Variants in CPNE8 observed in about 807,000 individuals in gnomAD.
The protein encoded by CPNE8 is copine-8.
CPNE8 carries 45 observed loss-of-function variants against 81.5 expected under a neutral mutation model. The ratio of observed to expected loss-of-function variants is 0.55; its 90% confidence interval spans 0.44 to 0.71. The LOEUF is 0.71. Ranked by LOEUF, CPNE8 falls within the 30% of genes least tolerant of loss-of-function variation. The probability of loss-of-function intolerance (pLI) is 0.00; values close to 1 mark genes in which losing one functional copy is unlikely to be tolerated. For synonymous variants in CPNE8, 252 were observed against 226.3 expected (o/e 1.11, Z -1.02); for missense variants, 594 against 672.1 (o/e 0.88, Z 1.28).
chr12:38,798,870 G>C (rs986367686), intron 6 of CPNE8, among the ~76,000 whole-genome samples: 2 of 151,514 alleles, frequency 1.3e-5, no homozygotes, highest in African/African-American at 4.9e-5. Flanking sequence ...CAAGCAAATG[G>C]AAAACAAAAA....
intron 13 of CPNE8, among the ~76,000 whole-genome samples, chr12:38,707,658 T>G (rs1442508390): frequency 1.3e-5 from 2 of 152,192 alleles, no homozygotes; most frequent in African/African-American, 4.8e-5. Flanking sequence ...TGAAGCATAT[T>G]TGATGACTGA....
chr12:38,786,551 C>A (rs542876789), intron 6 of CPNE8, among the ~76,000 whole-genome samples: 4 of 152,112 alleles, frequency 2.6e-5, no homozygotes, highest in South Asian at 2.1e-4. Flanking sequence ...GATCCTCAGC[C>A]TGCAGATGGC....
intron 6 of CPNE8, among the ~76,000 whole-genome samples, chr12:38,807,597 T>C (rs1172229419): frequency 9.9e-4 from 150 of 150,970 alleles, no homozygotes; most frequent in Non-Finnish European, 1.8e-3. Flanking sequence ...ATACAAAAAT[T>C]AATTCAAGAT....
intron 19 of CPNE8, among the ~76,000 whole-genome samples, chr12:38,661,107 G>C (rs1938942158): frequency 1.3e-5 from 2 of 152,026 alleles, no homozygotes; most frequent in South Asian, 4.1e-4. Context: ...CCCATTACTG[G>C]GTATATACCC....
intron 3 of CPNE8, among the ~76,000 whole-genome samples, chr12:38,865,182 T>A (rs997238595): frequency 5.3e-5 from 8 of 152,180 alleles, no homozygotes; most frequent in African/African-American, 1.9e-4. Context: ...TTGGCAAAGA[T>A]GTATGGCAAT....
intron 1 of CPNE8, among the ~76,000 whole-genome samples, chr12:38,878,760 C>G (rs986602525): frequency 3.3e-5 from 5 of 152,198 alleles, no homozygotes; most frequent in Non-Finnish European, 7.3e-5. Flanking sequence ...TCTCTTTCAA[C>G]TTCAAAGCAA....
chr12:38,740,344 A>T (rs1353990713), intron 10 of CPNE8, among the ~76,000 whole-genome samples: 1 of 152,198 alleles, frequency 6.6e-6, no homozygotes, highest in Non-Finnish European at 1.5e-5. Context: ...TCATCTGCAA[A>T]CAGGGACATT....
intron 6 of CPNE8, among the ~76,000 whole-genome samples, chr12:38,797,216 G>A (rs1942507689): frequency 3.3e-5 from 5 of 152,278 alleles, no homozygotes; most frequent in Middle Eastern, 3.4e-3. Context: ...GCACTCAGCT[G>A]GAGATCTGAG....
At chr12:38,853,906 T>C (rs184580181) in intron 3 of CPNE8, among the ~76,000 whole-genome samples, 26 of 152,186 alleles carry the variant, frequency 1.7e-4, no homozygotes, top group African/African-American at 6.0e-4. Context: ...AGTTTTAATA[T>C]ATTATGAAGG....
intron 1 of CPNE8, among the ~76,000 whole-genome samples, chr12:38,892,061 A>C (rs1944321213): frequency 6.6e-6 from 1 of 152,238 alleles, no homozygotes; most frequent in South Asian, 2.1e-4. Context: ...AATCTAGTAA[A>C]ATATCACAAA....
At chr12:38,718,178 C>T (rs1044916161) in intron 13 of CPNE8, among the ~76,000 whole-genome samples, 5 of 152,050 alleles carry the variant, frequency 3.3e-5, no homozygotes, top group African/African-American at 1.2e-4. Context: ...GCAGTGTCAT[C>T]AGAGGGCATA....
chr12:38,776,212 T>C (rs768135906), intron 7 of CPNE8, 26 bp downstream of exon 7: 2 of 1,345,328 alleles, frequency 1.5e-6, no homozygotes, highest in South Asian at 2.8e-5. Flanking sequence ...GGAAGTATTT[T>C]CTAAACCAAA....
chr12:38,888,585 T>C lies in CPNE8; in HGVS notation c.99-14074A>G, dbSNP rs530008479. Reference sequence around the variant, plus strand: ...GGAATATGTAGGTCAGCATAAATGATCAGCTGAGATACAGGAGAATGAAAA... The same window carrying C: ...GGAATATGTAGGTCAGCATAAATGACCAGCTGAGATACAGGAGAATGAAAA... On this transcript the variant is annotated intron_variant, in intron 1 of 19. Transcript: ENST00000331366. Among the ~76,000 whole-genome samples, 10 of 152,282 alleles carry C rather than the reference T, an allele frequency of 6.6e-5. No individual in the cohort carries two copies. The South Asian group carries it at 2.1e-3, about 32-fold the overall frequency.
intron 19 of CPNE8, among the ~76,000 whole-genome samples, chr12:38,665,396 T>C (rs1041712078): frequency 2.6e-5 from 4 of 152,228 alleles, no homozygotes; most frequent in African/African-American, 9.6e-5. Context: ...TTTTATTCTA[T>C]AGGAAGTATG....
At chr12:38,723,747 G>A (rs762445993) in intron 13 of CPNE8, 25 bp downstream of exon 13, 26 of 1,478,534 alleles carry the variant, frequency 1.8e-5, no homozygotes, top group Non-Finnish European at 1.9e-5. Context: ...CCTAAGCAAC[G>A]AAACAATTTG....
intron 6 of CPNE8, 133 bp downstream of exon 6, chr12:38,829,246 T>G: frequency 1.6e-6 from 1 of 626,374 alleles, no homozygotes; most frequent in Non-Finnish European, 2.9e-6. Context: ...CAAAATTATT[T>G]GTTAAAAGAA....
chr12:38,675,746 A>G lies in CPNE8; in HGVS notation c.1403T>C (p.Ile468Thr). The G allele has an allele frequency of 6.2e-7, 1 of 1,605,422 alleles. No homozygotes were observed. The highest frequency in any genetic ancestry group is 8.5e-7 in the Non-Finnish European group (1 of 1,172,454). ...NASKLPMSIIIVGVGPAEFDA... is the reference protein window; with the variant it reads ...NASKLPMSIITVGVGPAEFDA... ...AAATTCTGCTGGTCCAACACCTACT[A>G]TAATTATTGACATTGGAAGTTTTGA... The change falls in exon 18 of 20, where the codon ATA becomes ACA. Residue 468 changes from isoleucine (I) to threonine (T), a missense_variant. Transcript: ENST00000331366.
At chr12:38,860,979 A>C (rs1434204616) in intron 3 of CPNE8, among the ~76,000 whole-genome samples, 1 of 152,174 alleles carries the variant, frequency 6.6e-6, no homozygotes, top group Non-Finnish European at 1.5e-5. Context: ...AATTTGCTAA[A>C]AGTGTAGATA....
chr12:38,714,258 G>C (rs576705844), intron 13 of CPNE8, among the ~76,000 whole-genome samples: 1 of 152,124 alleles, frequency 6.6e-6, no homozygotes, highest in Admixed American at 6.5e-5. Flanking sequence ...AATTATCTTA[G>C]ATTTCATAAC....
Sources: gnomAD v4.1 joint callset for allele counts (sites outside exome capture counted in the v4.1 genomes callset) on GRCh38, gnomAD v4.1.1 for gene constraint, MANE v1.5 for transcripts, NCBI Gene and HGNC (gene_info 2026-07-23, HGNC 2026-07-21) for gene names.